Variants in ANXA2 observed in about 807,000 individuals in gnomAD.
ANXA2 encodes the protein annexin A2.
A neutral mutation model predicts 47.3 loss-of-function variants in ANXA2; 28 were observed. That is an observed-to-expected ratio of 0.59 (90% CI 0.44 to 0.81). ANXA2 has a LOEUF of 0.81. ANXA2 is among the 40% of genes least tolerant of loss of function. ANXA2 has a pLI of 0.00. For synonymous variants in ANXA2, 172 were observed against 155.5 expected (o/e 1.11, Z -0.79); for missense variants, 384 against 414.3 (o/e 0.93, Z 0.64).
chr15:60,381,344 T>A (rs527758605), intron 3 of ANXA2, among the ~76,000 whole-genome samples: 1 of 152,290 alleles, frequency 6.6e-6, no homozygotes, highest in East Asian at 1.9e-4. Flanking sequence ...CAATCTGGCC[T>A]CATGGTGAAA....
intron 11 of ANXA2, among the ~76,000 whole-genome samples, chr15:60,350,349 T>A (rs962080889): frequency 6.6e-6 from 1 of 151,976 alleles, no homozygotes; most frequent in Admixed American, 6.6e-5. Context: ...GCAGTCTGAG[T>A]CTCCATATGT....
chr15:60,381,105 A>G (rs1381411456), intron 3 of ANXA2, among the ~76,000 whole-genome samples: 3 of 152,198 alleles, frequency 2.0e-5, no homozygotes, highest in Non-Finnish European at 2.9e-5. Context: ...TGAGAGTGAA[A>G]GGTGCACTAT....
intron 3 of ANXA2, among the ~76,000 whole-genome samples, chr15:60,367,399 G>GC (rs1566938817): frequency 2.4e-5 from 2 of 82,430 alleles, no homozygotes; most frequent in African/African-American, 1.1e-4. Context: ...GAGGCGGGGG[G>GC]GGGTCGGCCA....
chr15:60,382,675 T>G (rs2062879304), intron 2 of ANXA2: 2 of 349,678 alleles, frequency 5.7e-6, no homozygotes, highest in African/African-American at 2.1e-5. Flanking sequence ...CAATTTCAAC[T>G]TCTCATCTTA....
At chr15:60,397,678 A>G (rs12904258) in intron 1 of ANXA2, among the ~76,000 whole-genome samples, 110,254 of 146,706 alleles carry the variant, frequency 0.75, 41,454 homozygotes, top group East Asian at 0.92. Context: ...AGGGCTTCTT[A>G]GAGAAGCCCG....
intron 12 of ANXA2, 51 bp from the exon 13 acceptor site, chr15:60,347,740 A>T: frequency 6.7e-7 from 1 of 1,502,040 alleles, no homozygotes; most frequent in East Asian, 2.3e-5. Flanking sequence ...AAAAGCCCAG[A>T]CTCCTCAATA....
chr15:60,374,936 C>A (rs1250774412), intron 3 of ANXA2, among the ~76,000 whole-genome samples: 2 of 152,216 alleles, frequency 1.3e-5, no homozygotes, highest in African/African-American at 4.8e-5. Context: ...CAGACCTGCT[C>A]TTGTTGGTTT....
intron 3 of ANXA2, among the ~76,000 whole-genome samples, chr15:60,379,209 C>G (rs1457763653): frequency 6.6e-6 from 1 of 151,978 alleles, no homozygotes; most frequent in African/African-American, 2.4e-5. Flanking sequence ...ACCCAGGAGG[C>G]AGAGGTTGCA....
chr15:60,354,358 G>A (rs2062392756), intron 7 of ANXA2, 145 bp from the exon 8 acceptor site: 2 of 721,776 alleles, frequency 2.8e-6, no homozygotes, highest in East Asian at 2.7e-5. Flanking sequence ...AAACATAGAT[G>A]GGGCCGGGCA....
Position 60,377,497 on chromosome 15 carries a change from C to CA in ANXA2, c.148+4844dup, listed in dbSNP as rs1312687016. Among the ~76,000 whole-genome samples the CA allele has an allele frequency of 6.6e-5, 10 of 152,186 alleles. No individual in the cohort carries two copies. In the East Asian group the frequency reaches 1.9e-3, roughly 29 times the overall value. ...CTACTGGTTCGGTTCCAGACCATCA[C>CA]AATAAAGCAAATATAGCAATAATGC... is the stretch of plus-strand genomic sequence containing the variant. On this transcript the variant is annotated intron_variant, in intron 3 of 12. Transcript: ENST00000451270.
At position 60,349,101 on chromosome 15, in the gene ANXA2, C is replaced by T. The variant is rs61731031; in HGVS notation, c.934G>A (p.Gly312Ser). ...KIRSEFKRKY[G>S]KSLYYYIQQD... is the part of the protein sequence containing the mutation. ...TGGATATAATAGTACAGGGACTTGCCGTACTTTCTCTTGAATTCAGACCTA... is the reference window on the plus strand; with the variant it reads ...TGGATATAATAGTACAGGGACTTGCTGTACTTTCTCTTGAATTCAGACCTA... Residue 312 changes from glycine (G) to serine (S), a missense_variant, in exon 12 of 13, where the codon GGC (glycine) becomes AGC (serine). Gly to Ser is a moderately conservative substitution (Grantham distance 56, BLOSUM62 0). Transcript: ENST00000451270. 1,743 of 1,614,030 alleles carry T rather than the reference C, an allele frequency of 1.1e-3. 15 individuals carry two copies. The African/African-American group carries it at 0.018, about 17-fold the overall frequency.
intron 5 of ANXA2, among the ~76,000 whole-genome samples, chr15:60,359,007 T>A (rs1004881472): frequency 6.6e-6 from 1 of 152,206 alleles, no homozygotes; most frequent in Non-Finnish European, 1.5e-5. Context: ...TGTCCACAAT[T>A]CCTATCACAA....
intron 2 of ANXA2, chr15:60,384,463 T>C (rs1330448206): frequency 6.6e-6 from 1 of 152,200 alleles, no homozygotes; most frequent in African/African-American, 2.4e-5. Context: ...TTCCTTAAAA[T>C]AATGGGGAAC....
intron 4 of ANXA2, 74 bp downstream of exon 4, chr15:60,364,355 T>C (rs950811962): frequency 4.1e-6 from 5 of 1,205,918 alleles, no homozygotes; most frequent in African/African-American, 3.0e-5. Context: ...CCACAATTCA[T>C]GAAAAGAAAA....
At chr15:60,366,895 G>A (rs2062623073) in intron 3 of ANXA2, among the ~76,000 whole-genome samples, 1 of 87,360 alleles carries the variant, frequency 1.1e-5, no homozygotes, top group Non-Finnish European at 2.4e-5. Flanking sequence ...GGGAGGTGAG[G>A]GGCGCCTCTG....
chr15:60,389,134 A>G (rs1436948731), intron 1 of ANXA2, among the ~76,000 whole-genome samples: 1 of 152,158 alleles, frequency 6.6e-6, no homozygotes, highest in Non-Finnish European at 1.5e-5. Flanking sequence ...TCAGAACTGG[A>G]CCAGGTCTGC....
Position 60,347,455 on chromosome 15 carries a change from A to G in ANXA2, c.*175T>C. On this transcript the variant is annotated 3_prime_UTR_variant, in exon 13 of 13. Transcript: ENST00000451270. ...TGTTCATTTCTTTGGCTTACAGGAG[A>G]GACTAGACAGGAAGGCCAGGCAATG... 1 of 623,554 alleles carries G rather than the reference A, an allele frequency of 1.6e-6. No homozygotes were observed. The highest frequency in any genetic ancestry group is 2.8e-6 in the Non-Finnish European group (1 of 352,912). 38.6% of individuals were successfully genotyped at this position (623,554 alleles called of 1,614,324 possible). A position where few individuals can be genotyped will look rare whatever the true frequency, so the allele number is the denominator to read the frequency against.
chr15:60,357,375 T>G, intron 5 of ANXA2, 139 bp from the exon 6 acceptor site: 2 of 592,700 alleles, frequency 3.4e-6, no homozygotes, highest in Non-Finnish European at 5.6e-6. Context: ...CTGAAGAATC[T>G]ATACTCCTAC....
At chr15:60,349,267 A>AG (rs1895880187) in intron 11 of ANXA2, 70 bp from the exon 12 acceptor site, 1 of 1,557,048 alleles carries the variant, frequency 6.4e-7, no homozygotes, top group Admixed American at 1.7e-5. Context: ...CTACAGGTTG[A>AG]GCATCCCTGA....
Sources: gnomAD v4.1 joint callset for allele counts (sites outside exome capture counted in the v4.1 genomes callset) on GRCh38, gnomAD v4.1.1 for gene constraint, MANE v1.5 for transcripts, NCBI Gene and HGNC (gene_info 2026-07-23, HGNC 2026-07-21) for gene names.